TXLNB: variants seen among roughly 807,000 people sequenced by gnomAD.
TXLNB encodes beta-taxilin.
TXLNB carries 37 observed loss-of-function variants against 57.4 expected under a neutral mutation model. The observed-to-expected ratio is 0.64, with a 90% CI of 0.50 to 0.85. The LOEUF is 0.85. Among genes scored for constraint, TXLNB ranks in the 40% least tolerant of loss-of-function variants. The pLI is 0.00. For synonymous variants in TXLNB, 302 were observed against 309.6 expected, an observed-to-expected ratio of 0.98 and a Z score of 0.26; for missense variants, 848 against 825.6, an observed-to-expected ratio of 1.03 and a Z score of -0.33.
chr6:139,201,825 C>G, the TXLNB span: 1 of 152,238 alleles, frequency 6.6e-6, no homozygotes, highest in Non-Finnish European at 1.5e-5. Context: ...CATTACCCTG[C>G]TCACACTGGC....
intron 7 of TXLNB, among the ~76,000 whole-genome samples, chr6:139,250,918 C>G (rs1380679226): frequency 6.6e-6 from 1 of 152,228 alleles, no homozygotes; most frequent in African/African-American, 2.4e-5. Flanking sequence ...CCATGTCTTA[C>G]TTTTCCATGT....
In TXLNB at chr6:139,276,879, T is replaced by C. The variant is rs1316660242; in HGVS notation, c.467A>G (p.Gln156Arg). The change falls in exon 3 of 10, where the codon CAA becomes CGA. Residue 156 changes from glutamine (Q) to arginine (R), a missense_variant. Gln to Arg is a conservative substitution (Grantham distance 43, BLOSUM62 1). Coordinates refer to ENST00000358430, the MANE Select transcript of TXLNB (RefSeq NM_153235.4). The stretch of plus-strand genomic sequence containing the variant: ...AAAATCAAACTTTTCTTCCGGTGTT[T>C]GCAACTTGTTCAGATTTTGCATTAG... ...NLLMQNLNKL[Q>R]TPEEKFDFLF... 1 of 1,600,662 alleles carries C rather than the reference T, an allele frequency of 6.2e-7. No homozygotes were observed. The highest frequency in any genetic ancestry group is 8.5e-7 in the Non-Finnish European group (1 of 1,176,142).
intron 4 of TXLNB, among the ~76,000 whole-genome samples, chr6:139,269,510 T>A (rs117635251): frequency 1.3e-5 from 2 of 152,318 alleles, no homozygotes; most frequent in Non-Finnish European, 2.9e-5. Context: ...AGACTTTGAC[T>A]TCATCACACT....
Position 139,270,338 on chromosome 6 carries a change from G to A in TXLNB, c.687+118C>T, listed in dbSNP as rs1776725530. On this transcript the variant is annotated intron_variant, in intron 4 of 9. Coordinates refer to ENST00000358430, the MANE Select transcript of TXLNB (RefSeq NM_153235.4). ...GGTTACAAGCAAGCAAGGGGCAGAG[G>A]CAGTATTTGAACCCAAGCCTCTCTG... 3 of 923,412 alleles carry A rather than the reference G, an allele frequency of 3.2e-6. No homozygotes were observed. In the African/African-American group the frequency reaches 5.1e-5, roughly 16 times the overall value. The allele number at this position is 923,412 out of a possible 1,614,324, so 57.2% of individuals were successfully genotyped here.
the TXLNB span, among the ~76,000 whole-genome samples, chr6:139,217,155 T>C: frequency 6.6e-6 from 1 of 152,168 alleles, no homozygotes; most frequent in Admixed American, 6.5e-5. Context: ...CAGGGTGGTG[T>C]GTGCCTGTTC....
At chr6:139,209,925 C>A in the TXLNB span, among the ~76,000 whole-genome samples, 5,156 of 152,128 alleles carry the variant, frequency 0.034, 233 homozygotes, top group African/African-American at 0.1. Context: ...TGTAAACAGA[C>A]AACCCACAGA....
intron 4 of TXLNB, among the ~76,000 whole-genome samples, chr6:139,265,372 A>G (rs1776589308): frequency 1.3e-5 from 2 of 152,020 alleles, no homozygotes; most frequent in South Asian, 4.1e-4. Flanking sequence ...AAACAAACCC[A>G]TGTCTCAGAC....
the TXLNB span, among the ~76,000 whole-genome samples, chr6:139,160,470 C>T: frequency 6.6e-6 from 1 of 152,184 alleles, no homozygotes; most frequent in South Asian, 2.1e-4. Flanking sequence ...GACAAGGTTT[C>T]ACTCATTGCC....
At chr6:139,286,306 T>C (rs1166191311) in intron 2 of TXLNB, among the ~76,000 whole-genome samples, 1 of 150,360 alleles carries the variant, frequency 6.7e-6, no homozygotes, top group African/African-American at 2.5e-5. Flanking sequence ...TCTATGAATC[T>C]ACCTGTCAAG....
Position 139,242,216 on chromosome 6 carries a change from T to C in TXLNB, c.*310A>G, listed in dbSNP as rs764232068. The C allele has an allele frequency of 4.7e-6, 1 of 213,692 alleles. No homozygotes were observed. The allele number at this position is 213,692 out of a possible 1,614,324, so 13.2% of individuals were successfully genotyped here. A position where few individuals can be genotyped will look rare whatever the true frequency, so the allele number is the denominator to read the frequency against. On this transcript the variant is annotated 3_prime_UTR_variant, in exon 10 of 10. Transcript: ENST00000358430. ...GTGGAAGTCTTTAAACATCAAATCT[T>C]ACTGGTGATTAACAAATTTAAGTAT... is the stretch of plus-strand genomic sequence containing the variant.
the TXLNB span, among the ~76,000 whole-genome samples, chr6:139,185,100 C>T: frequency 6.6e-6 from 1 of 152,094 alleles, no homozygotes; most frequent in African/African-American, 2.4e-5. Context: ...GCTTGCGTTC[C>T]TCTGAGGCTC....
the TXLNB span, among the ~76,000 whole-genome samples, chr6:139,204,884 A>G: frequency 3.9e-5 from 6 of 152,172 alleles, no homozygotes; most frequent in Non-Finnish European, 8.8e-5. Context: ...ACCAGAGTCA[A>G]TTGTACTCCC....
At chr6:139,230,147 T>C in the TXLNB span, among the ~76,000 whole-genome samples, 148 of 152,332 alleles carry the variant, frequency 9.7e-4, 1 homozygote, top group East Asian at 0.021. Context: ...CCAGACTGAA[T>C]TGAAGGACTT....
At chr6:139,198,221 C>A in the TXLNB span, among the ~76,000 whole-genome samples, 1 of 151,284 alleles carries the variant, frequency 6.6e-6, no homozygotes, top group Non-Finnish European at 1.5e-5. Context: ...ACTAATAAAC[C>A]TGGATTTTGT....
At chr6:139,314,932 G>A in the TXLNB span, among the ~76,000 whole-genome samples, 3 of 152,106 alleles carry the variant, frequency 2.0e-5, no homozygotes, top group African/African-American at 4.8e-5. Flanking sequence ...CTTGCCTGGG[G>A]TCCAGTCTGT....
intron 3 of TXLNB, among the ~76,000 whole-genome samples, chr6:139,275,370 T>A (rs1193778489): frequency 6.6e-6 from 1 of 152,166 alleles, no homozygotes; most frequent in African/African-American, 2.4e-5. Context: ...AAACCAGATA[T>A]CAACTTATAT....
the TXLNB span, among the ~76,000 whole-genome samples, chr6:139,213,485 G>A: frequency 6.6e-6 from 1 of 152,178 alleles, no homozygotes; most frequent in African/African-American, 2.4e-5. Flanking sequence ...GCAGTGTGTA[G>A]AGGGAAATTT....
At chr6:139,275,545 A>C (rs1489579192) in intron 3 of TXLNB, among the ~76,000 whole-genome samples, 1 of 152,234 alleles carries the variant, frequency 6.6e-6, no homozygotes, top group African/African-American at 2.4e-5. Context: ...GTGTCTAAAA[A>C]ATAATTTAAA....
Position 139,241,762 on chromosome 6 carries a change from A to T in TXLNB, c.*764T>A, listed in dbSNP as rs1775939350. On this transcript the variant is annotated 3_prime_UTR_variant, in exon 10 of 10. Transcript: ENST00000358430. ...TTTCTGCCATTTGATCAACTGGTTG[A>T]ATTCATTTATCTACCATTGGGTTAC... 6.6e-6 allele frequency: 1 copy of T among 152,226 alleles called. No homozygotes were observed. Among genetic ancestry groups the T allele is most frequent in the African/African-American group, 2.4e-5 (1 of 41,454 alleles). 9.4% of individuals were successfully genotyped at this position (152,226 alleles called of 1,614,324 possible). A position where few individuals can be genotyped will look rare whatever the true frequency, so the allele number is the denominator to read the frequency against.
Sources: allele counts gnomAD v4.1 joint callset (sites outside exome capture counted in the v4.1 genomes callset), GRCh38; gene constraint gnomAD v4.1.1; transcripts MANE v1.5; gene names NCBI Gene and HGNC (gene_info 2026-07-23, HGNC 2026-07-21).